Variants in NRAP observed in about 807,000 individuals in gnomAD.
NRAP encodes nebulin-related-anchoring protein.
A neutral mutation model predicts 225.9 loss-of-function variants in NRAP; 189 were observed. The observed-to-expected ratio is 0.84, with a 90% CI of 0.74 to 0.94. NRAP has a LOEUF of 0.94. Among genes scored for constraint, NRAP ranks in the 40% least tolerant of loss-of-function variants. NRAP has a pLI of 0.00. For synonymous variants in NRAP, 769 were observed against 790.7 expected, an observed-to-expected ratio of 0.97 and a Z score of 0.46; for missense variants, 2,176 against 2,168.7, an observed-to-expected ratio of 1.00 and a Z score of -0.07.
intron 24 of NRAP, among the ~76,000 whole-genome samples, chr10:113,621,172 G>T (rs536961995): frequency 3.5e-4 from 54 of 152,238 alleles, no homozygotes; most frequent in African/African-American, 1.2e-3. Flanking sequence ...CCACCTCAGT[G>T]GGGGGGCAGG....
At position 113,629,041 on chromosome 10, in the gene NRAP, A is replaced by C; in HGVS notation, c.2041-20T>G. The C allele has an allele frequency of 1.3e-6, 2 of 1,550,172 alleles. No individual in the cohort carries two copies. Among genetic ancestry groups the C allele is most frequent in the Non-Finnish European group, 1.8e-6 (2 of 1,121,530 alleles). ...CTGCAGCTACAAAAGAAAAACCACA[A>C]AGCTCTCATTGGGCGCATGGATAGA... On this transcript the variant is annotated intron_variant, in intron 19 of 41. Coordinates refer to ENST00000359988, the MANE Select transcript of NRAP (RefSeq NM_198060.4).
intron 35 of NRAP, among the ~76,000 whole-genome samples, chr10:113,602,095 C>T (rs556810649): frequency 3.3e-5 from 5 of 152,206 alleles, no homozygotes; most frequent in Non-Finnish European, 7.3e-5. Flanking sequence ...CCAGGCTAGT[C>T]TCGAACTTCT....
At chr10:113,593,395 C>A (rs1214047812) in intron 38 of NRAP, among the ~76,000 whole-genome samples, 1 of 152,172 alleles carries the variant, frequency 6.6e-6, no homozygotes, top group Non-Finnish European at 1.5e-5. Context: ...CTAGAGAGGA[C>A]CACAAAGTGC....
At position 113,615,763 on chromosome 10, in the gene NRAP, A is replaced by G. The variant is rs185552300; in HGVS notation, c.3027T>C (p.Ala1009=). 11 of 1,612,436 alleles carry G rather than the reference A, an allele frequency of 6.8e-6. No homozygotes were observed. In the East Asian group the frequency reaches 1.3e-4, roughly 20 times the overall value. ...TGGCCAGCAGGACTTCAGGGAGGTC[A>G]GCAGTCGGTGTGTAATGATGCTTTA... The part of the protein sequence containing the change: ...ENIKHHYTPT[A]DLPEVLLAKL... Residue 1009 remains alanine, a synonymous_variant, in exon 27 of 42, where the codon GCT becomes GCC. Transcript: ENST00000359988.
chr10:113,659,716 G>A (rs1430163398), intron 3 of NRAP, among the ~76,000 whole-genome samples: 1 of 152,096 alleles, frequency 6.6e-6, no homozygotes, highest in Non-Finnish European at 1.5e-5. Context: ...TACCAAACAG[G>A]AAATTCTGTC....
chr10:113,605,258 A>G (rs906990548), intron 34 of NRAP, among the ~76,000 whole-genome samples: 1 of 152,226 alleles, frequency 6.6e-6, no homozygotes, highest in African/African-American at 2.4e-5. Flanking sequence ...GGATCCATTT[A>G]TTTGAAGTCC....
Position 113,628,968 on chromosome 10 carries a change from C to T in NRAP, c.2094G>A (p.Glu698=), listed in dbSNP as rs371901467. 1.2e-6 allele frequency: 2 copies of T among 1,613,682 alleles called. No individual in the cohort carries two copies. The highest frequency in any genetic ancestry group is 1.7e-6 in the Non-Finnish European group (2 of 1,179,770). ...TGGCTTGTTCCAAGTTGAGACTCCC[C>T]TCTGTCAGCCACCCAACTCCCTTCA... ...AWMKGVGWLT[E]GSLNLEQAKK... is the part of the protein sequence containing the mutation. Residue 698 remains glutamate (E), a synonymous_variant, in exon 20 of 42, where the codon GAG becomes GAA. Coordinates refer to ENST00000359988, the MANE Select transcript of NRAP (RefSeq NM_198060.4).
At chr10:113,659,741 T>C (rs1850544641) in intron 3 of NRAP, among the ~76,000 whole-genome samples, 1 of 152,240 alleles carries the variant, frequency 6.6e-6, no homozygotes, top group Non-Finnish European at 1.5e-5. Flanking sequence ...CAAGTATTTA[T>C]TTATTTTTCA....
chr10:113,602,762 C>T (rs1467671658), intron 35 of NRAP, among the ~76,000 whole-genome samples: 1 of 152,228 alleles, frequency 6.6e-6, no homozygotes, highest in Non-Finnish European at 1.5e-5. Flanking sequence ...CGTACTCAAA[C>T]AGCTACTACT....
At chr10:113,629,086 G>T (rs564108082) in intron 19 of NRAP, 65 bp from the exon 20 acceptor site, 1 of 1,127,786 alleles carries the variant, frequency 8.9e-7, no homozygotes, top group Non-Finnish European at 1.4e-6. Context: ...AAGTTGATGG[G>T]AGAGTTAAGA....
Position 113,663,959 on chromosome 10 carries a change from C to T in NRAP, c.-77G>A. 9.0e-7 allele frequency: 1 copy of T among 1,105,512 alleles called. No homozygotes were observed. The highest frequency in any genetic ancestry group is 1.4e-6 in the Non-Finnish European group (1 of 723,232). The allele number at this position is 1,105,512 out of a possible 1,614,324, so 68.5% of individuals were successfully genotyped here. On this transcript the variant is annotated 5_prime_UTR_variant, in exon 1 of 42. Transcript: ENST00000359988. Reference sequence around the variant, plus strand: ...GGAGAACCCCCAGTCTAGTTCAAGTCTTCAAAATCCGACGACCATAAAATT... The same window carrying T: ...GGAGAACCCCCAGTCTAGTTCAAGTTTTCAAAATCCGACGACCATAAAATT...
intron 7 of NRAP, among the ~76,000 whole-genome samples, chr10:113,651,379 C>A (rs1849954949): frequency 6.6e-6 from 1 of 152,098 alleles, no homozygotes; most frequent in East Asian, 1.9e-4. Flanking sequence ...GCAGGACGTG[C>A]AGGTTTGTTA....
At chr10:113,657,868 G>C (rs1456418452) in intron 3 of NRAP, among the ~76,000 whole-genome samples, 1 of 152,170 alleles carries the variant, frequency 6.6e-6, no homozygotes, top group Non-Finnish European at 1.5e-5. Context: ...AGTAACCTCA[G>C]AAAACATTGG....
intron 4 of NRAP, among the ~76,000 whole-genome samples, chr10:113,655,602 T>G (rs1850263093): frequency 6.6e-6 from 1 of 152,008 alleles, no homozygotes; most frequent in Non-Finnish European, 1.5e-5. Flanking sequence ...ATTACAGGCA[T>G]GTACCACCAT....
intron 38 of NRAP, among the ~76,000 whole-genome samples, chr10:113,593,034 T>G (rs1270460216): frequency 6.6e-6 from 1 of 152,134 alleles, no homozygotes; most frequent in Non-Finnish European, 1.5e-5. Context: ...AAATCTTCTG[T>G]GCCTTCATGT....
At chr10:113,610,350 A>T in intron 31 of NRAP, 109 bp downstream of exon 31, 1 of 602,690 alleles carries the variant, frequency 1.7e-6, no homozygotes, top group Non-Finnish European at 2.9e-6. Flanking sequence ...ACTCCATCTC[A>T]AATTAAAAAA....
In NRAP at chr10:113,647,537, C is replaced by T. The variant is rs1246257504; in HGVS notation, c.889-510G>A. On this transcript the variant is annotated intron_variant, in intron 9 of 41. Transcript: ENST00000359988. ...ACTGTCTCCCCCGGTGGTACTGTCT[C>T]CCCCGGTGGTACTGTCTCCCCCAGT... 1.6e-4 allele frequency among the ~76,000 whole-genome samples: 24 copies of T among 149,690 alleles called. 1 individual carries two copies. Among genetic ancestry groups the T allele is most frequent in the African/African-American group, 5.7e-4 (23 of 40,492 alleles).
chr10:113,650,294 T>C lies in NRAP; in HGVS notation c.783+144A>G, dbSNP rs558674009. 5 of 771,808 alleles carry C rather than the reference T, an allele frequency of 6.5e-6. No homozygotes were observed. The East Asian group carries it at 9.9e-5, about 15-fold the overall frequency. 47.8% of individuals were successfully genotyped at this position (771,808 alleles called of 1,614,324 possible). A position where few individuals can be genotyped will look rare whatever the true frequency, so the allele number is the denominator to read the frequency against. On this transcript the variant is annotated intron_variant, in intron 8 of 41. Coordinates refer to ENST00000359988, the MANE Select transcript of NRAP (RefSeq NM_198060.4). ...CATAAAAGTGCCAGGTCATTGTCAT[T>C]GGTAAAATTGACTTAAAACTATAAA...
chr10:113,643,551 C>G (rs1376821729), intron 11 of NRAP, among the ~76,000 whole-genome samples: 1 of 152,170 alleles, frequency 6.6e-6, no homozygotes, highest in Non-Finnish European at 1.5e-5. Flanking sequence ...ACTTTACAAG[C>G]AGTATAATAA....
Sources: allele counts gnomAD v4.1 joint callset (sites outside exome capture counted in the v4.1 genomes callset), GRCh38; gene constraint gnomAD v4.1.1; transcripts MANE v1.5; gene names NCBI Gene and HGNC (gene_info 2026-07-23, HGNC 2026-07-21).